The following CCSER2 variants were observed in gnomAD, a reference collection of about 807,000 sequenced individuals.
The protein encoded by CCSER2 is coiled-coil serine rich protein 2.
CCSER2 carries 46 observed loss-of-function variants against 92.3 expected under a neutral mutation model. The observed-to-expected ratio is 0.50, with a 90% confidence interval of 0.39 to 0.64. The LOEUF is 0.64. Ranked by LOEUF, CCSER2 falls within the 30% of genes least tolerant of loss-of-function variation. CCSER2 has a pLI of 0.00. For synonymous variants in CCSER2, 433 were observed against 431.4 expected (o/e 1.00, Z -0.04); for missense variants, 1,244 against 1,238.9 (o/e 1.00, Z -0.06).
intron 3 of CCSER2, among the ~76,000 whole-genome samples, chr10:84,414,734 G>A (rs747548345): frequency 6.6e-5 from 10 of 152,146 alleles, no homozygotes; most frequent in African/African-American, 1.9e-4. Flanking sequence ...ATATCCTGAA[G>A]TATGTTTCCC....
chr10:84,508,470 T>C (rs1849181921), intron 9 of CCSER2, among the ~76,000 whole-genome samples: 2 of 152,324 alleles, frequency 1.3e-5, no homozygotes, highest in South Asian at 4.1e-4. Context: ...TTTTACCCAA[T>C]ATCTCACCTC....
intron 3 of CCSER2, among the ~76,000 whole-genome samples, chr10:84,382,075 CTT>C (rs780522796): frequency 1.8e-4 from 27 of 152,254 alleles, no homozygotes; most frequent in South Asian, 4.1e-4. Flanking sequence ...CCCCATGTGA[CTT>C]TTCCTTTCTT....
intron 4 of CCSER2, among the ~76,000 whole-genome samples, chr10:84,418,842 A>G (rs1394246769): frequency 6.6e-6 from 1 of 152,124 alleles, no homozygotes; most frequent in Non-Finnish European, 1.5e-5. Flanking sequence ...TCATGGATCT[A>G]AGGATTAGCT....
At chr10:84,334,825 C>G (rs1167843957) in intron 1 of CCSER2, among the ~76,000 whole-genome samples, 1 of 152,106 alleles carries the variant, frequency 6.6e-6, no homozygotes, top group Admixed American at 6.5e-5. Context: ...TGATTTTTTT[C>G]TACAACCATT....
intron 9 of CCSER2, among the ~76,000 whole-genome samples, chr10:84,504,371 T>G (rs1848932686): frequency 6.6e-6 from 1 of 152,072 alleles, no homozygotes; most frequent in African/African-American, 2.4e-5. Context: ...GAAAAAATGT[T>G]TATTGTTGAA....
chr10:84,470,566 GT>G (rs1846730046), intron 8 of CCSER2, 108 bp downstream of exon 8: 1 of 938,156 alleles, frequency 1.1e-6, no homozygotes, highest in African/African-American at 1.8e-5. Flanking sequence ...GGCTCTCAAA[GT>G]TGCACTTTTA....
intron 9 of CCSER2, among the ~76,000 whole-genome samples, chr10:84,478,167 T>C (rs1235226041): frequency 6.6e-6 from 1 of 152,228 alleles, no homozygotes; most frequent in Non-Finnish European, 1.5e-5. Context: ...AACTAGGGAA[T>C]GGTTTATTTT....
intron 1 of CCSER2, among the ~76,000 whole-genome samples, chr10:84,333,726 G>A (rs558417118): frequency 5.3e-5 from 8 of 152,056 alleles, no homozygotes; most frequent in East Asian, 3.9e-4. Context: ...AGTGGAGATC[G>A]GGATATTTTG....
intron 4 of CCSER2, among the ~76,000 whole-genome samples, chr10:84,423,341 T>C (rs570305630): frequency 1.3e-5 from 2 of 152,332 alleles, no homozygotes; most frequent in South Asian, 4.1e-4. Flanking sequence ...AGTTTGAACA[T>C]TAGTCTTTTG....
chr10:84,443,116 G>A (rs1844677514), intron 6 of CCSER2, among the ~76,000 whole-genome samples: 1 of 152,144 alleles, frequency 6.6e-6, no homozygotes, highest in Non-Finnish European at 1.5e-5. Context: ...AACACCAAAA[G>A]CGATGGCAGC....
intron 6 of CCSER2, among the ~76,000 whole-genome samples, chr10:84,449,479 G>A (rs1209180486): frequency 6.6e-6 from 1 of 152,230 alleles, no homozygotes; most frequent in Non-Finnish European, 1.5e-5. Flanking sequence ...CTGTGCTGCA[G>A]TTTCCTAGAA....
At chr10:84,496,063 A>T (rs1025189596) in intron 9 of CCSER2, among the ~76,000 whole-genome samples, 9 of 151,136 alleles carry the variant, frequency 6.0e-5, no homozygotes, top group African/African-American at 1.9e-4. Flanking sequence ...TTATGTCTTT[A>T]TAATAATGTT....
intron 1 of CCSER2, among the ~76,000 whole-genome samples, chr10:84,363,628 A>C (rs1845627605): frequency 2.0e-5 from 3 of 152,246 alleles, no homozygotes; most frequent in African/African-American, 7.2e-5. Context: ...GGTTCCTCAG[A>C]TGATGAGGTA....
At position 84,372,477 on chromosome 10, in the gene CCSER2, T is replaced by A; in HGVS notation, c.1417+8T>A. 1 of 1,467,346 alleles carries A rather than the reference T, an allele frequency of 6.8e-7. No homozygotes were observed. Among genetic ancestry groups the A allele is most frequent in the Non-Finnish European group, 9.2e-7 (1 of 1,087,712 alleles). 90.9% of individuals were successfully genotyped at this position (1,467,346 alleles called of 1,614,324 possible). A position where few individuals can be genotyped will look rare whatever the true frequency, so the allele number is the denominator to read the frequency against. Reference sequence around the variant, plus strand: ...TAGATATAAGTGTCTCTGGTAAATATTACTTACCTTAAGTTTTTTTGCTTT... The same window carrying A: ...TAGATATAAGTGTCTCTGGTAAATAATACTTACCTTAAGTTTTTTTGCTTT... On this transcript the variant is annotated splice_region_variant and intron_variant, in intron 2 of 9. Transcript: ENST00000372088.
chr10:84,357,355 C>A (rs1019277306), intron 1 of CCSER2, among the ~76,000 whole-genome samples: 3 of 152,200 alleles, frequency 2.0e-5, no homozygotes, highest in Admixed American at 2.0e-4. Context: ...TCCATAGAAA[C>A]CTTGAAAATT....
At chr10:84,419,592 A>G (rs542937229) in intron 4 of CCSER2, among the ~76,000 whole-genome samples, 2 of 152,296 alleles carry the variant, frequency 1.3e-5, no homozygotes, top group Admixed American at 6.5e-5. Flanking sequence ...GTTGAGGACA[A>G]TATCCACCAC....
chr10:84,434,250 T>C (rs1181575524), intron 5 of CCSER2, among the ~76,000 whole-genome samples: 1 of 152,200 alleles, frequency 6.6e-6, no homozygotes, highest in African/African-American at 2.4e-5. Flanking sequence ...ATGTGGAAAC[T>C]GCATCATCTT....
intron 3 of CCSER2, among the ~76,000 whole-genome samples, chr10:84,411,259 C>T (rs918171982): frequency 6.6e-6 from 1 of 152,036 alleles, no homozygotes; most frequent in Non-Finnish European, 1.5e-5. Flanking sequence ...GTTCTTTTTG[C>T]TTAGGATTGT....
Position 84,477,600 on chromosome 10 carries a change from A to T in CCSER2, c.2261A>T (p.Lys754Ile). 1.9e-6 allele frequency: 3 copies of T among 1,612,400 alleles called. No individual in the cohort carries two copies. The highest frequency in any genetic ancestry group is 2.2e-5 in the South Asian group (2 of 90,914). ...GCAACTCAGCATATCTGCCACCAAA[A>T]ATGTAAAGAGGAAAAATGCACTTAT... ...QLATQHICHQ[K>I]CKEEKCTYAD... The change falls in exon 9 of 10, where the codon AAA becomes ATA. Residue 754 changes from lysine (K) to isoleucine (I), a missense_variant. Transcript: ENST00000372088.
Sources: gnomAD v4.1 joint callset for allele counts (sites outside exome capture counted in the v4.1 genomes callset) on GRCh38, gnomAD v4.1.1 for gene constraint, MANE v1.5 for transcripts, NCBI Gene and HGNC (gene_info 2026-07-23, HGNC 2026-07-21) for gene names.